The following RYR2 variants were observed in gnomAD, a reference collection of about 807,000 sequenced individuals.
RYR2 encodes cardiac muscle ryanodine receptor-calcium release channel.
Under a neutral mutation model 601.1 loss-of-function variants are expected in RYR2, and 227 were observed. That is an observed-to-expected ratio of 0.38 (90% CI 0.34 to 0.42). The LOEUF (loss-of-function observed/expected upper bound fraction) is 0.42. Among genes scored for constraint, RYR2 ranks in the 10% least tolerant of loss-of-function variants. The pLI, the probability that RYR2 is intolerant of heterozygous loss-of-function variation, is 1.00. For missense variants in RYR2, 4,646 were observed against 6,156.5 expected (o/e 0.75, Z 8.21); for synonymous variants, 2,223 against 2,175.1 (o/e 1.02, Z -0.61).
At chr1:237,498,508 G>A (rs1274708184) in intron 20 of RYR2, among the ~76,000 whole-genome samples, 1 of 151,518 alleles carries the variant, frequency 6.6e-6, no homozygotes, top group Non-Finnish European at 1.5e-5. Context: ...TGCTCTGCAG[G>A]AAATAAGTAC....
intron 80 of RYR2, among the ~76,000 whole-genome samples, chr1:237,751,329 A>AACT (rs1165312562): frequency 6.6e-6 from 1 of 152,186 alleles, no homozygotes; most frequent in Non-Finnish European, 1.5e-5. Flanking sequence ...TTTAGAGATA[A>AACT]ACTACATTCC....
chr1:237,344,235 G>A (rs796887475), intron 3 of RYR2, among the ~76,000 whole-genome samples: 3 of 152,146 alleles, frequency 2.0e-5, no homozygotes, highest in Non-Finnish European at 4.4e-5. Flanking sequence ...GCGTTTTGCC[G>A]GGGGCTGCCT....
At chr1:237,125,094 A>G (rs1294068032) in intron 1 of RYR2, among the ~76,000 whole-genome samples, 3 of 152,206 alleles carry the variant, frequency 2.0e-5, no homozygotes, top group South Asian at 2.1e-4. Flanking sequence ...TGCATTTTGC[A>G]GATAGAAATG....
At chr1:237,252,273 C>T (rs950983082) in intron 1 of RYR2, among the ~76,000 whole-genome samples, 1 of 152,106 alleles carries the variant, frequency 6.6e-6, no homozygotes, top group African/African-American at 2.4e-5. Flanking sequence ...CCCATTTGTT[C>T]TTCCTGGAGC....
At position 237,293,354 on chromosome 1, in the gene RYR2, G is replaced by A. The variant is rs576771760; in HGVS notation, c.168+22738G>A. On this transcript the variant is annotated intron_variant, in intron 2 of 104. Transcript: ENST00000366574. ...CTCAAGTAGCTGGGACTACAGGCGC[G>A]TGCCACCACACCCGGCTAATTTTTG... Among the ~76,000 whole-genome samples the A allele has an allele frequency of 1.0e-3, 159 of 152,144 alleles. 1 individual carries two copies. In the South Asian group the frequency reaches 0.03, roughly 29 times the overall value.
At chr1:237,292,793 A>G (rs10802598) in intron 2 of RYR2, among the ~76,000 whole-genome samples, 130,677 of 152,076 alleles carry the variant, frequency 0.86, 57,464 homozygotes, top group East Asian at 0.98. Flanking sequence ...AGTTAAGCTG[A>G]TGAATAGGAA....
chr1:237,646,077 C>T (rs1274723261), intron 48 of RYR2, among the ~76,000 whole-genome samples: 1 of 152,060 alleles, frequency 6.6e-6, no homozygotes, highest in Non-Finnish European at 1.5e-5. Flanking sequence ...CGGGGTTTCA[C>T]CATGTTAGCC....
chr1:237,644,426 G>A (rs1271132295), intron 48 of RYR2, among the ~76,000 whole-genome samples: 1 of 151,820 alleles, frequency 6.6e-6, no homozygotes, highest in Non-Finnish European at 1.5e-5. Context: ...TAGAGACAGG[G>A]TTTCACCATG....
chr1:237,148,893 T>C (rs961354786), intron 1 of RYR2, among the ~76,000 whole-genome samples: 1 of 152,162 alleles, frequency 6.6e-6, no homozygotes, highest in Non-Finnish European at 1.5e-5. Flanking sequence ...TGGATAAGAT[T>C]GCCTTTGACC....
chr1:237,155,959 A>T (rs1675283383), intron 1 of RYR2, among the ~76,000 whole-genome samples: 1 of 152,174 alleles, frequency 6.6e-6, no homozygotes, highest in Non-Finnish European at 1.5e-5. Flanking sequence ...AGCCCTAATC[A>T]TGTGCTGTCC....
chr1:237,777,397 G>A (rs1292871475), intron 87 of RYR2, among the ~76,000 whole-genome samples: 1 of 152,168 alleles, frequency 6.6e-6, no homozygotes, highest in Non-Finnish European at 1.5e-5. Context: ...CTTGGATCTG[G>A]CCATCTCTTC....
intron 1 of RYR2, among the ~76,000 whole-genome samples, chr1:237,233,230 A>G (rs978787921): frequency 6.6e-6 from 1 of 152,218 alleles, no homozygotes; most frequent in African/African-American, 2.4e-5. Flanking sequence ...AGTGTTTGGT[A>G]AGTATCTGTG....
intron 2 of RYR2, among the ~76,000 whole-genome samples, chr1:237,325,704 CA>C (rs1209007690): frequency 2.0e-5 from 3 of 151,092 alleles, no homozygotes; most frequent in African/African-American, 7.3e-5. Context: ...AAAAACAAAA[CA>C]AAACAAAAAA....
At chr1:237,308,844 C>T (rs912420762) in intron 2 of RYR2, among the ~76,000 whole-genome samples, 5 of 152,224 alleles carry the variant, frequency 3.3e-5, no homozygotes, top group Non-Finnish European at 4.4e-5. Flanking sequence ...TCTGGCCCCA[C>T]CCACATCCTG....
intron 1 of RYR2, among the ~76,000 whole-genome samples, chr1:237,169,306 TTC>T (rs1553326673): frequency 8.0e-5 from 12 of 150,400 alleles, no homozygotes; most frequent in Non-Finnish European, 1.2e-4. Flanking sequence ...TTTCTTCTTC[TTC>T]TTTTTTTTTG....
intron 29 of RYR2, among the ~76,000 whole-genome samples, chr1:237,573,394 A>G (rs1266214840): frequency 6.6e-6 from 1 of 151,814 alleles, no homozygotes; most frequent in Non-Finnish European, 1.5e-5. Context: ...ATACAACTGA[A>G]ATGATTTGCT....
At chr1:237,608,754 A>G (rs550936635) in intron 35 of RYR2, among the ~76,000 whole-genome samples, 38 of 146,552 alleles carry the variant, frequency 2.6e-4, no homozygotes, top group Non-Finnish European at 4.3e-4. Flanking sequence ...TGAATTCAAG[A>G]TTGGAAATGA....
In RYR2 at chr1:237,299,161, T is replaced by C. The variant is rs1318161177; in HGVS notation, c.168+28545T>C. ...TTTCATTTCATTTCATAGTTCTACA[T>C]AGGTTTTGGCCTAAATGAGAAACTG... On this transcript the variant is annotated intron_variant, in intron 2 of 104. Transcript: ENST00000366574. Among the ~76,000 whole-genome samples the C allele has an allele frequency of 2.0e-5, 3 of 148,382 alleles. No individual in the cohort carries two copies. The East Asian group carries it at 6.5e-4, about 32-fold the overall frequency.
chr1:237,671,499 C>T (rs1684925873), intron 58 of RYR2, among the ~76,000 whole-genome samples: 1 of 150,088 alleles, frequency 6.7e-6, no homozygotes, highest in Admixed American at 6.6e-5. Flanking sequence ...GTCTTGGTGC[C>T]TGGGTGTGTG....
Sources: allele counts gnomAD v4.1 joint callset (sites outside exome capture counted in the v4.1 genomes callset), GRCh38; gene constraint gnomAD v4.1.1; transcripts MANE v1.5; gene names NCBI Gene and HGNC (gene_info 2026-07-23, HGNC 2026-07-21).